HYDIN: variants seen among roughly 807,000 people sequenced by gnomAD.
HYDIN encodes the protein HYDIN axonemal central pair apparatus protein.
A neutral mutation model predicts 403.9 loss-of-function variants in HYDIN; 132 were observed. The ratio of observed to expected loss-of-function variants is 0.33; its 90% CI spans 0.28 to 0.38. HYDIN has a LOEUF of 0.38. Among genes scored for constraint, HYDIN ranks in the 10% least tolerant of loss-of-function variants. HYDIN has a pLI of 1.00. For synonymous variants in HYDIN, 1,202 were observed against 1,891.7 expected, an observed-to-expected ratio of 0.64 and a Z score of 9.46; for missense variants, 2,827 against 5,009.5, an observed-to-expected ratio of 0.56 and a Z score of 13.15.
chr16:71,157,991 C>T (rs1332592617), intron 6 of HYDIN, among the ~76,000 whole-genome samples: 1 of 147,850 alleles, frequency 6.8e-6, no homozygotes, highest in African/African-American at 2.5e-5. Context: ...CTGCTGAAGA[C>T]AAAGAGGGAA....
At chr16:71,061,331 C>T (rs1267311026) in intron 17 of HYDIN, among the ~76,000 whole-genome samples, 4 of 151,126 alleles carry the variant, frequency 2.6e-5, no homozygotes, top group East Asian at 3.9e-4. Flanking sequence ...GGCTTATTTA[C>T]GGCATCTTAT....
At chr16:71,048,450 C>T (rs2081523400) in intron 18 of HYDIN, among the ~76,000 whole-genome samples, 1 of 125,970 alleles carries the variant, frequency 7.9e-6, no homozygotes, top group Admixed American at 7.7e-5. Context: ...AATTTACATT[C>T]CTACTAAGAG....
chr16:71,126,224 T>A (rs2084449594), intron 9 of HYDIN, among the ~76,000 whole-genome samples: 1 of 152,196 alleles, frequency 6.6e-6, no homozygotes, highest in African/African-American at 2.4e-5. Flanking sequence ...CCTTCCCTAA[T>A]GGTCTGTTTT....
At position 70,850,649 on chromosome 16, in the gene HYDIN, T is replaced by C; in HGVS notation, c.12450A>G (p.Pro4150=). ...EGWIPPLSRF[P]IDIFFTPKQE... is the part of the protein sequence containing the mutation. ...GCTTTGGTGTGAAGAAAATATCAAT[T>C]GGGAACCTGGTTGGGGAACAAAACA... Residue 4150 remains proline (P), a synonymous_variant, in exon 74 of 86, where the codon CCA becomes CCG. Transcript: ENST00000393567. 6.2e-7 allele frequency: 1 copy of C among 1,613,694 alleles called. No homozygotes were observed. Among genetic ancestry groups the C allele is most frequent in the South Asian group, 1.1e-5 (1 of 91,052 alleles).
intron 1 of HYDIN, among the ~76,000 whole-genome samples, chr16:71,188,524 G>A (rs1390393297): frequency 1.3e-5 from 2 of 152,124 alleles, no homozygotes; most frequent in African/African-American, 2.4e-5. Flanking sequence ...ACAACACAAA[G>A]AAGAATATTT....
chr16:70,860,113 T>C lies in HYDIN; in HGVS notation c.12084A>G (p.Thr4028=), dbSNP rs2039312743. Reference sequence around the variant, plus strand: ...GGATGAAGCCCTTTTCTGTAAGGCATGTGAATGCTGCAGGGTTCTGGAGAC... The same window carrying C: ...GGATGAAGCCCTTTTCTGTAAGGCACGTGAATGCTGCAGGGTTCTGGAGAC... ...IESLQNPAAF[T]CLTEKGFIHP... Residue 4028 remains threonine (T), a synonymous_variant, in exon 71 of 86, where the codon ACA becomes ACG. Transcript: ENST00000393567. 4 of 1,612,214 alleles carry C rather than the reference T, an allele frequency of 2.5e-6. No homozygotes were observed. The East Asian group carries it at 6.7e-5, about 27-fold the overall frequency.
At chr16:71,019,095 T>G (rs1372485554) in intron 22 of HYDIN, among the ~76,000 whole-genome samples, 1 of 150,398 alleles carries the variant, frequency 6.6e-6, no homozygotes, top group African/African-American at 2.5e-5. Context: ...ATTTGTTCAG[T>G]ACATTTTATT....
chr16:71,038,782 T>A (rs1273519821), intron 18 of HYDIN, among the ~76,000 whole-genome samples: 2 of 152,042 alleles, frequency 1.3e-5, no homozygotes, highest in Non-Finnish European at 2.9e-5. Context: ...TGCCTCAGCC[T>A]CCAGAGTAGC....
chr16:71,020,130 C>T, intron 22 of HYDIN, 44 bp downstream of exon 22: 1 of 1,601,846 alleles, frequency 6.2e-7, no homozygotes, highest in South Asian at 1.1e-5. Context: ...TCACACCCCG[C>T]CCCACCCCAG....
chr16:70,977,901 C>T (rs921398803), intron 30 of HYDIN, among the ~76,000 whole-genome samples: 5 of 151,768 alleles, frequency 3.3e-5, no homozygotes, highest in Admixed American at 3.3e-4. Flanking sequence ...GGGCTACATT[C>T]TGAATCTGCC....
At chr16:71,100,193 CAA>C (rs1217042274) in intron 10 of HYDIN, among the ~76,000 whole-genome samples, 4 of 151,886 alleles carry the variant, frequency 2.6e-5, no homozygotes, top group Non-Finnish European at 5.9e-5. Context: ...AACTTCAAAG[CAA>C]AAGTTGTAAA....
Position 70,985,289 on chromosome 16 carries a change from G to A in HYDIN, c.4228C>T (p.Leu1410=), listed in dbSNP as rs751770541. ...AAGCCAACTTTCCCCATGTTCGTCAGCGTGATTTCCCTCTCTGTGACATGG... is the reference window on the plus strand; with the variant it reads ...AAGCCAACTTTCCCCATGTTCGTCAACGTGATTTCCCTCTCTGTGACATGG... ...FDHVTEREIT[L]TNMGKVGFEF... The change falls in exon 28 of 86, where the codon CTG becomes TTG. Residue 1410 remains leucine (L), a synonymous_variant. Coordinates refer to ENST00000393567, the MANE Select transcript of HYDIN (RefSeq NM_001270974.2). 1.3e-6 allele frequency: 2 copies of A among 1,522,170 alleles called. No individual in the cohort carries two copies. Among genetic ancestry groups the A allele is most frequent in the Non-Finnish European group, 1.8e-6 (2 of 1,103,896 alleles). 94.3% of individuals were successfully genotyped at this position (1,522,170 alleles called of 1,614,324 possible).
intron 5 of HYDIN, among the ~76,000 whole-genome samples, chr16:71,170,888 T>G (rs777550623): frequency 6.6e-6 from 1 of 152,208 alleles, no homozygotes; most frequent in African/African-American, 2.4e-5. Context: ...GAAGCCAGAC[T>G]GGTCATGCGC....
rs962746006 is a variant in HYDIN, at chr16:71,116,013, G to A, written c.1228-218C>T. ...CCTCACATAGTTAACTTGTGTGTGCGTGGTGAGAGGACCTGGTCTGTCTAC... is the reference window on the plus strand; with the variant it reads ...CCTCACATAGTTAACTTGTGTGTGCATGGTGAGAGGACCTGGTCTGTCTAC... On this transcript the variant is annotated intron_variant, in intron 9 of 85. Transcript: ENST00000393567. Among the ~76,000 whole-genome samples the A allele has an allele frequency of 3.9e-5, 6 of 152,146 alleles. No individual in the cohort carries two copies. The South Asian group carries it at 1.2e-3, about 32-fold the overall frequency.
intron 1 of HYDIN, chr16:71,203,792 C>T (rs768445906): frequency 6.6e-6 from 3 of 455,952 alleles, no homozygotes; most frequent in East Asian, 1.4e-4. Flanking sequence ...GAGTCCAGAA[C>T]AGATAACAGA....
rs544722599 is a variant in HYDIN at position 70,839,399 on chromosome 16, T to C, written c.13043+665A>G. On this transcript the variant is annotated intron_variant, in intron 76 of 85. Coordinates refer to ENST00000393567, the MANE Select transcript of HYDIN (RefSeq NM_001270974.2). The stretch of plus-strand genomic sequence containing the variant: ...CACATGTGGTTATTAAAATTAAAAT[T>C]AACATTAATTAAAATAAAATAAAAA... 4.6e-4 allele frequency among the ~76,000 whole-genome samples: 68 copies of C among 148,458 alleles called. 1 individual carries two copies. Among genetic ancestry groups the C allele is most frequent in the Admixed American group, 2.1e-3 (32 of 15,102 alleles).
At chr16:70,947,274 C>T (rs1460881318) in intron 41 of HYDIN, among the ~76,000 whole-genome samples, 2 of 150,638 alleles carry the variant, frequency 1.3e-5, no homozygotes, top group East Asian at 2.0e-4. Context: ...TGTCAAAGGC[C>T]TTTTCTGCAT....
At position 70,979,004 on chromosome 16, in the gene HYDIN, C is replaced by T. The variant is rs750085486; in HGVS notation, c.4548G>A (p.Arg1516=). Residue 1516 remains arginine (R), a synonymous_variant, in exon 30 of 86, where the codon AGG becomes AGA. Coordinates refer to ENST00000393567, the MANE Select transcript of HYDIN (RefSeq NM_001270974.2). ...TGTTATACTCTTTGTCTGTGTTTTT[C>T]CTGGCTTGATTCAAGAACATTTCAT... ...EKYEMFLNQA[R]KNTDKEYNKC... 1.9e-6 allele frequency: 3 copies of T among 1,613,310 alleles called. No homozygotes were observed. The highest frequency in any genetic ancestry group is 1.7e-6 in the Non-Finnish European group (2 of 1,179,928).
intron 46 of HYDIN, 55 bp downstream of exon 46, chr16:70,920,536 G>A (rs1218501139): frequency 7.1e-7 from 1 of 1,409,482 alleles, no homozygotes; most frequent in African/African-American, 1.4e-5. Context: ...GATGACCTTA[G>A]CACAGCGCCT....
Sources: allele counts gnomAD v4.1 joint callset (sites outside exome capture counted in the v4.1 genomes callset), GRCh38; gene constraint gnomAD v4.1.1; transcripts MANE v1.5; gene names NCBI Gene and HGNC (gene_info 2026-07-23, HGNC 2026-07-21).